Variants in HTR1F observed in about 807,000 individuals in gnomAD.
HTR1F encodes the protein 5-hydroxytryptamine receptor 1F.
A neutral mutation model predicts 24.0 loss-of-function variants in HTR1F; 17 were observed. The observed-to-expected ratio is 0.71, with a 90% confidence interval of 0.48 to 1.06. The LOEUF (loss-of-function observed/expected upper bound fraction) is 1.06. HTR1F is among the 50% of genes least tolerant of loss of function. The pLI is 0.00. For missense variants in HTR1F, 391 were observed against 427.8 expected, an observed-to-expected ratio of 0.91 and a Z score of 0.76; for synonymous variants, 186 against 156.8, an observed-to-expected ratio of 1.19 and a Z score of -1.39.
In HTR1F at chr3:87,990,865, C is replaced by T. The variant is rs1576129628; in HGVS notation, c.116C>T (p.Thr39Ile). The T allele has an allele frequency of 3.1e-6, 5 of 1,614,232 alleles. No homozygotes were observed. The highest frequency in any genetic ancestry group is 2.2e-5 in the East Asian group (1 of 44,886). The part of the protein sequence containing the change: ...TLSGLALMTT[T>I]INSLVIAAII... ...TCTGGGCTGGCACTGATGACAACAA[C>T]TATCAACTCCCTTGTGATCGCTGCA... is the stretch of plus-strand genomic sequence containing the variant. Residue 39 changes from threonine to isoleucine, a missense_variant, in exon 3 of 3, where the codon ACT becomes ATT. Transcript: ENST00000319595.
At chr3:87,860,310 A>G (rs1246401150) in intron 2 of HTR1F, among the ~76,000 whole-genome samples, 1 of 152,222 alleles carries the variant, frequency 6.6e-6, no homozygotes, top group African/African-American at 2.4e-5. Flanking sequence ...TAAATATAAT[A>G]TGTAAACACA....
At chr3:87,877,377 C>T (rs2107271363) in intron 2 of HTR1F, among the ~76,000 whole-genome samples, 1 of 151,966 alleles carries the variant, frequency 6.6e-6, no homozygotes, top group South Asian at 2.1e-4. Context: ...TTTCAATTCA[C>T]TAAAAATTGA....
At chr3:87,846,436 C>G (rs1363958921) in intron 2 of HTR1F, among the ~76,000 whole-genome samples, 1 of 147,266 alleles carries the variant, frequency 6.8e-6, no homozygotes, top group Non-Finnish European at 1.5e-5. Context: ...GACTCCATCT[C>G]AAAAAAAAAA....
chr3:87,927,543 G>T (rs1704156790), intron 2 of HTR1F, among the ~76,000 whole-genome samples: 1 of 151,768 alleles, frequency 6.6e-6, no homozygotes, highest in South Asian at 2.1e-4. Flanking sequence ...TTTCCTAAAT[G>T]GTATATTATA....
At chr3:87,835,660 A>T in intron 2 of HTR1F, among the ~76,000 whole-genome samples, 1 of 152,212 alleles carries the variant, frequency 6.6e-6, no homozygotes, top group East Asian at 1.9e-4. Context: ...AAGAAGTAGC[A>T]TTCCTATCGT....
intron 2 of HTR1F, among the ~76,000 whole-genome samples, chr3:87,859,173 C>A (rs138368112): frequency 6.6e-6 from 1 of 152,058 alleles, no homozygotes; most frequent in Non-Finnish European, 1.5e-5. Context: ...ACTCCAGCCT[C>A]GGCAACAAGA....
chr3:87,978,964 C>T (rs1333358667), intron 2 of HTR1F, among the ~76,000 whole-genome samples: 24 of 90,540 alleles, frequency 2.7e-4, no homozygotes, highest in Admixed American at 6.3e-4. Context: ...ACTGAGGGTC[C>T]TAGTGCTACA....
intron 2 of HTR1F, among the ~76,000 whole-genome samples, chr3:87,975,908 C>T (rs1378275882): frequency 6.6e-6 from 1 of 152,164 alleles, no homozygotes; most frequent in Non-Finnish European, 1.5e-5. Context: ...TTGAAGATGA[C>T]AAATCAACTG....
At chr3:87,867,394 T>TC (rs923352601) in intron 2 of HTR1F, among the ~76,000 whole-genome samples, 3 of 151,860 alleles carry the variant, frequency 2.0e-5, no homozygotes, top group Admixed American at 2.0e-4. Context: ...TCTCTTTTTT[T>TC]CACACACCCA....
chr3:87,851,788 TAAA>T (rs892675161), intron 2 of HTR1F, among the ~76,000 whole-genome samples: 2 of 151,596 alleles, frequency 1.3e-5, no homozygotes, highest in Non-Finnish European at 2.9e-5. Flanking sequence ...TTTTTTGAAA[TAAA>T]GTAGTGCTAA....
intron 2 of HTR1F, among the ~76,000 whole-genome samples, chr3:87,854,295 A>G (rs1184630451): frequency 6.6e-6 from 1 of 151,674 alleles, no homozygotes; most frequent in Non-Finnish European, 1.5e-5. Flanking sequence ...TCTTGAATGT[A>G]TTTATTTGTG....
chr3:87,991,843 G>A lies in HTR1F; in HGVS notation c.1094G>A (p.Arg365Gln), dbSNP rs183674304. 5 of 1,559,478 alleles carry A rather than the reference G, an allele frequency of 3.2e-6. No homozygotes were observed. The highest frequency in any genetic ancestry group is 4.5e-5 in the East Asian group (2 of 44,132). ...GCATTCCAAAAGCTTGTGCGATGTC[G>A]ATGTTAGTTTTAAAAATGTTTATTA... is the stretch of plus-strand genomic sequence containing the variant. The part of the protein sequence containing the change: ...KKAFQKLVRC[R>Q]C The change falls in exon 3 of 3, where the codon CGA (arginine) becomes CAA (glutamine). Residue 365 changes from arginine (R) to glutamine (Q), a missense_variant. Arg to Gln is a conservative substitution (Grantham distance 43). Coordinates refer to ENST00000319595, the MANE Select transcript of HTR1F (RefSeq NM_001322209.2).
intron 2 of HTR1F, among the ~76,000 whole-genome samples, chr3:87,878,367 C>T (rs997070389): frequency 1.4e-4 from 22 of 152,102 alleles, no homozygotes; most frequent in African/African-American, 5.1e-4. Flanking sequence ...GAAGTAAATG[C>T]TAAATCATTT....
chr3:87,926,791 A>T (rs1266043006), intron 2 of HTR1F, among the ~76,000 whole-genome samples: 1 of 152,082 alleles, frequency 6.6e-6, no homozygotes, highest in Non-Finnish European at 1.5e-5. Flanking sequence ...AAATTGTTTC[A>T]CTTAGGAAGA....
chr3:87,858,586 T>C (rs1208199134), intron 2 of HTR1F, among the ~76,000 whole-genome samples: 3 of 152,156 alleles, frequency 2.0e-5, no homozygotes, highest in Non-Finnish European at 4.4e-5. Context: ...TTTATGGATG[T>C]GGTTGATTCA....
chr3:87,827,063 A>G (rs1447319321), intron 2 of HTR1F, among the ~76,000 whole-genome samples: 1 of 151,720 alleles, frequency 6.6e-6, no homozygotes, highest in East Asian at 1.9e-4. Flanking sequence ...TGCCAGCTTC[A>G]GCCTCCCAAA....
At chr3:87,936,744 A>G (rs148019996) in intron 2 of HTR1F, among the ~76,000 whole-genome samples, 310 of 152,300 alleles carry the variant, frequency 2.0e-3, no homozygotes, top group African/African-American at 7.3e-3. Context: ...TTGGGGATTC[A>G]GGACAGCCAG....
chr3:87,958,928 C>T (rs1705003250), intron 2 of HTR1F, among the ~76,000 whole-genome samples: 1 of 151,722 alleles, frequency 6.6e-6, no homozygotes, highest in Non-Finnish European at 1.5e-5. Flanking sequence ...ACTCCATCTT[C>T]CTCATCTCTG....
At position 87,861,572 on chromosome 3, in the gene HTR1F, C is replaced by T. The variant is rs151143098; in HGVS notation, c.-43+39448C>T. 4.7e-4 allele frequency among the ~76,000 whole-genome samples: 71 copies of T among 152,120 alleles called. 1 individual carries two copies. The highest frequency in any genetic ancestry group is 1.7e-3 in the African/African-American group (70 of 41,508). ...AGACACACAAGCCATTTTCTGTGCT[C>T]GTATAGAGTAGCAATATTTAACATG... On this transcript the variant is annotated intron_variant, in intron 2 of 2. Coordinates refer to ENST00000319595, the MANE Select transcript of HTR1F (RefSeq NM_001322209.2).
Sources: gnomAD v4.1 joint callset for allele counts (sites outside exome capture counted in the v4.1 genomes callset) on GRCh38, gnomAD v4.1.1 for gene constraint, MANE v1.5 for transcripts, NCBI Gene and HGNC (gene_info 2026-07-23, HGNC 2026-07-21) for gene names.